The following HID1 variants were observed in gnomAD, a reference collection of about 807,000 sequenced individuals.
HID1 encodes the protein protein HID1.
In HID1, 42 loss-of-function variants were observed where a neutral mutation model predicts 89.7. The ratio of observed to expected loss-of-function variants is 0.47; its 90% CI spans 0.37 to 0.61. HID1 has a LOEUF of 0.61. Ranked by LOEUF, HID1 falls within the 20% of genes least tolerant of loss-of-function variation. The pLI is 0.00. For missense variants in HID1, 854 were observed against 1,039.3 expected (o/e 0.82, Z 2.45); for synonymous variants, 442 against 433.8 (o/e 1.02, Z -0.24).
intron 16 of HID1, among the ~76,000 whole-genome samples, 186 bp from the exon 17 acceptor site, chr17:74,952,546 C>T (rs2039320038): frequency 6.6e-6 from 1 of 152,164 alleles, no homozygotes; most frequent in Admixed American, 6.5e-5. Context: ...GCCATGGCCC[C>T]GCGTTAAGCC....
intron 15 of HID1, 125 bp from the exon 16 acceptor site, chr17:74,953,211 C>A (rs1365394267): frequency 1.1e-6 from 1 of 880,212 alleles, no homozygotes. Flanking sequence ...GCCCAGCAGC[C>A]TTTGCCCCAG....
chr17:74,956,377 A>G (rs970026530), intron 12 of HID1, among the ~76,000 whole-genome samples: 1 of 152,234 alleles, frequency 6.6e-6, no homozygotes, highest in African/African-American at 2.4e-5. Flanking sequence ...AAATCTTTCT[A>G]GAACGTCAAG....
intron 1 of HID1, among the ~76,000 whole-genome samples, chr17:74,968,254 C>T (rs1214120890): frequency 4.8e-5 from 7 of 147,290 alleles, no homozygotes; most frequent in African/African-American, 1.8e-4. Flanking sequence ...TCTGGGTGCA[C>T]GTGCCTTGAA....
In HID1 at chr17:74,972,437, A is replaced by C. The variant is rs963669041; in HGVS notation, c.66+154T>G. ...GCCAGGGGATGGAGCTTCCAGGTAC[A>C]GGCCGCGGGGTCCCGTTCCGGCGCT... On this transcript the variant is annotated intron_variant, in intron 1 of 18. Coordinates refer to ENST00000425042, the MANE Select transcript of HID1 (RefSeq NM_030630.3). This position sits in a 1 kb window ranked among gnomAD's most constrained non-coding sequence, Gnocchi z 6.4. Among the ~76,000 whole-genome samples, 3 of 152,126 alleles carry C rather than the reference A, an allele frequency of 2.0e-5. No individual in the cohort carries two copies. Among genetic ancestry groups the C allele is most frequent in the Admixed American group, 1.3e-4 (2 of 15,276 alleles).
intron 13 of HID1, chr17:74,954,717 T>C (rs998259722): frequency 6.1e-6 from 2 of 329,372 alleles, no homozygotes; most frequent in Non-Finnish European, 1.1e-5. Flanking sequence ...TCTGACTCTC[T>C]TCCCACCTCC....
Position 74,958,579 on chromosome 17 carries a change from C to A in HID1, c.1240+94G>T. 1 of 1,582,990 alleles carries A rather than the reference C, an allele frequency of 6.3e-7. No homozygotes were observed. The highest frequency in any genetic ancestry group is 2.3e-5 in the East Asian group (1 of 44,364). ...GCCTCCCTCCTAGGAGGTCAGAGTGCCAGGCCTGAGCTCCTGGGAGTCAGG... is the reference window on the plus strand; with the variant it reads ...GCCTCCCTCCTAGGAGGTCAGAGTGACAGGCCTGAGCTCCTGGGAGTCAGG... On this transcript the variant is annotated intron_variant, in intron 10 of 18. Transcript: ENST00000425042. The surrounding 1 kb of genome is among the most constrained non-coding windows in gnomAD (Gnocchi z 5.2).
At chr17:74,952,699 A>G (rs1180992445) in intron 16 of HID1, among the ~76,000 whole-genome samples, 1 of 152,088 alleles carries the variant, frequency 6.6e-6, no homozygotes, top group Non-Finnish European at 1.5e-5. Flanking sequence ...GATTCAGGGG[A>G]GGAAGTCGGA....
At chr17:74,964,393 T>C in intron 2 of HID1, 90 bp downstream of exon 2, 4 of 1,394,926 alleles carry the variant, frequency 2.9e-6, no homozygotes, top group Non-Finnish European at 3.9e-6. Context: ...TGCCTGCCCC[T>C]GTGGGGCGGG....
At chr17:74,957,576 A>G (rs1391309928) in intron 12 of HID1, among the ~76,000 whole-genome samples, 1 of 124,478 alleles carries the variant, frequency 8.0e-6, no homozygotes, top group Non-Finnish European at 1.6e-5. Context: ...AACCTCCTTC[A>G]GATGTCAAAA....
At position 74,959,982 on chromosome 17, in the gene HID1, AC is replaced by A; in HGVS notation, c.951+43del. ...CTGGTGAGCAGGCGTCCTCCCCACA[AC>A]CCGTGGCCCCGGCAGCTGTCCCTTC... On this transcript the variant is annotated intron_variant, in intron 7 of 18. Transcript: ENST00000425042. This position sits in a 1 kb window ranked among gnomAD's most constrained non-coding sequence, Gnocchi z 4.6. 1 of 1,613,258 alleles carries A rather than the reference AC, an allele frequency of 6.2e-7. No homozygotes were observed. The highest frequency in any genetic ancestry group is 1.7e-5 in the Admixed American group (1 of 60,008).
intron 13 of HID1, among the ~76,000 whole-genome samples, 187 bp downstream of exon 13, chr17:74,955,605 C>T (rs1327754845): frequency 6.6e-6 from 1 of 152,176 alleles, no homozygotes; most frequent in Non-Finnish European, 1.5e-5. Flanking sequence ...GCTTTGTTCC[C>T]CACTGCATCC....
chr17:74,951,661 G>A, intron 18 of HID1, 28 bp from the exon 19 acceptor site: 1 of 1,603,054 alleles, frequency 6.2e-7, no homozygotes, highest in Non-Finnish European at 8.5e-7. Context: ...GGTTACCCAG[G>A]TGCTGGGGCA....
intron 3 of HID1, 73 bp from the exon 4 acceptor site, chr17:74,963,154 G>T: frequency 8.9e-7 from 1 of 1,122,108 alleles, no homozygotes; most frequent in Non-Finnish European, 1.3e-6. Flanking sequence ...CTTGGGGGTG[G>T]TGGAGGACAG....
At chr17:74,969,144 G>A (rs1057282978) in intron 1 of HID1, among the ~76,000 whole-genome samples, 2 of 111,548 alleles carry the variant, frequency 1.8e-5, no homozygotes, top group African/African-American at 3.5e-5. Flanking sequence ...CTGCCTCAAT[G>A]ACCCCAGTTG....
Position 74,963,824 on chromosome 17 carries a change from G to C in HID1, c.303C>G (p.Leu101=). 1 of 1,614,110 alleles carries C rather than the reference G, an allele frequency of 6.2e-7. No individual in the cohort carries two copies. The highest frequency in any genetic ancestry group is 2.2e-5 in the East Asian group (1 of 44,878). The change falls in exon 3 of 19, where the codon CTC becomes CTG. Residue 101 remains leucine (L), a synonymous_variant. Transcript: ENST00000425042. ...KQIVLNCSRL[L]TRVLPYIFED... ...CAAAGATGTAGGGCAGCACGCGGGT[G>C]AGCAGCCGGCTGCAGTTCAGGACGA...
intron 1 of HID1, 79 bp from the exon 2 acceptor site, chr17:74,964,711 A>G (rs924992616): frequency 6.9e-7 from 1 of 1,439,580 alleles, no homozygotes; most frequent in Non-Finnish European, 9.4e-7. Flanking sequence ...TGGCCAGGAG[A>G]GACCCTGAGA....
Position 74,955,933 on chromosome 17 carries a change from A to T in HID1, c.1495T>A (p.Ser499Thr), listed in dbSNP as rs778057222. ...AGCAACTTGTTGGCAGTCACCATGG[A>T]CAGGCTCTTGAGGTAGGGGGACACT... is the stretch of plus-strand genomic sequence containing the variant. Reference protein sequence around the residue: ...VNVSPYLKSLSMVTANKLLHL... With the variant: ...VNVSPYLKSLTMVTANKLLHL... Residue 499 changes from serine (S) to threonine (T), a missense_variant, in exon 13 of 19, where the codon TCC (serine) becomes ACC (threonine). By Grantham distance (58) the Ser-to-Thr change is moderately conservative. Transcript: ENST00000425042. 6.2e-6 allele frequency: 10 copies of T among 1,614,016 alleles called. No homozygotes were observed. Among genetic ancestry groups the T allele is most frequent in the Non-Finnish European group, 5.9e-6 (7 of 1,179,946 alleles).
At chr17:74,966,236 A>G (rs2039561054) in intron 1 of HID1, among the ~76,000 whole-genome samples, 1 of 142,468 alleles carries the variant, frequency 7.0e-6, no homozygotes, top group Non-Finnish European at 1.5e-5. Flanking sequence ...GTGAGCCGAG[A>G]TCGCGCCACT....
chr17:74,953,865 G>A (rs979215061), intron 14 of HID1, among the ~76,000 whole-genome samples: 2 of 152,028 alleles, frequency 1.3e-5, no homozygotes, highest in African/African-American at 2.4e-5. Flanking sequence ...CCAACACCAA[G>A]CTACACATGC....
Sources: allele counts gnomAD v4.1 joint callset (sites outside exome capture counted in the v4.1 genomes callset), GRCh38; gene constraint gnomAD v4.1.1; non-coding constraint Gnocchi (gnomAD v3.1); transcripts MANE v1.5; gene names NCBI Gene and HGNC (gene_info 2026-07-23, HGNC 2026-07-21).